The following TMEM108 variants were observed in gnomAD, a reference collection of about 807,000 sequenced individuals.
TMEM108 encodes the protein cancer/testis antigen 124.
A neutral mutation model predicts 35.1 loss-of-function variants in TMEM108; 12 were observed. That is an observed-to-expected ratio of 0.34 (90% CI 0.22 to 0.55). The LOEUF is 0.55. Ranked by LOEUF, TMEM108 falls within the 20% of genes least tolerant of loss-of-function variation. TMEM108 has a pLI of 0.89. For synonymous variants in TMEM108, 287 were observed against 308.6 expected, an observed-to-expected ratio of 0.93 and a Z score of 0.73; for missense variants, 680 against 753.3, an observed-to-expected ratio of 0.90 and a Z score of 1.14.
rs116094899 is a variant in TMEM108, at chr3:133,142,564, T to A, written c.-46-86702T>A. On this transcript the variant is annotated intron_variant, in intron 2 of 5. Coordinates refer to ENST00000321871, the MANE Select transcript of TMEM108 (RefSeq NM_023943.4). ...GCTATCCTGGAGCACGGTTTCACAC[T>A]CCACACTCCACATGTCCCTGCTCCC... Among the ~76,000 whole-genome samples the A allele has an allele frequency of 2.9e-3, 449 of 152,234 alleles. 2 individuals carry two copies. Among genetic ancestry groups the A allele is most frequent in the African/African-American group, 0.01 (423 of 41,538 alleles).
At chr3:133,297,073 G>C (rs761710302) in intron 3 of TMEM108, among the ~76,000 whole-genome samples, 1 of 152,180 alleles carries the variant, frequency 6.6e-6, no homozygotes, top group Admixed American at 6.5e-5. Flanking sequence ...ACAATATCAG[G>C]CTAACAGTAG....
At chr3:133,354,691 C>G (rs947882721) in intron 3 of TMEM108, among the ~76,000 whole-genome samples, 2 of 152,084 alleles carry the variant, frequency 1.3e-5, no homozygotes, top group African/African-American at 4.8e-5. Flanking sequence ...CCCCCTCCCC[C>G]ATTAAACAGA....
intron 2 of TMEM108, among the ~76,000 whole-genome samples, chr3:133,047,428 C>T (rs1322231798): frequency 4.6e-5 from 7 of 152,164 alleles, no homozygotes; most frequent in African/African-American, 1.7e-4. Context: ...TGGAGGGAGC[C>T]ATTCTTTAAT....
At position 133,040,365 on chromosome 3, in the gene TMEM108, G is replaced by A. The variant is rs543552872; in HGVS notation, c.-166+1930G>A. 6.9e-4 allele frequency among the ~76,000 whole-genome samples: 105 copies of A among 151,866 alleles called. 2 individuals are homozygous for A. In the Middle Eastern group the frequency reaches 0.031, roughly 44 times the overall value. ...ATTACAGGTGTGAGGCACCATGCCC[G>A]GCTAATTTTTGTATTTTTTAGTAAA... On this transcript the variant is annotated intron_variant, in intron 1 of 5. Coordinates refer to ENST00000321871, the MANE Select transcript of TMEM108 (RefSeq NM_023943.4).
chr3:133,203,902 T>G (rs1945710423), intron 2 of TMEM108, among the ~76,000 whole-genome samples: 1 of 152,204 alleles, frequency 6.6e-6, no homozygotes, highest in Admixed American at 6.5e-5. Context: ...CTGGTAAAAT[T>G]CAGCTGTGAC....
At chr3:133,341,132 A>G (rs1219362808) in intron 3 of TMEM108, among the ~76,000 whole-genome samples, 4 of 151,868 alleles carry the variant, frequency 2.6e-5, no homozygotes, top group Admixed American at 2.6e-4. Flanking sequence ...TTGTTTGCAG[A>G]TGATATCCTA....
chr3:133,053,211 C>T (rs1943427774), intron 2 of TMEM108, among the ~76,000 whole-genome samples: 1 of 151,978 alleles, frequency 6.6e-6, no homozygotes, highest in Non-Finnish European at 1.5e-5. Context: ...ACTGAGGCTC[C>T]CACAAGATGC....
intron 1 of TMEM108, among the ~76,000 whole-genome samples, chr3:133,042,275 C>T (rs1943284989): frequency 2.0e-5 from 3 of 152,180 alleles, no homozygotes; most frequent in Admixed American, 1.3e-4. Flanking sequence ...GTGTAGTTCC[C>T]ATCCTATGGC....
intron 3 of TMEM108, among the ~76,000 whole-genome samples, chr3:133,352,737 CT>C (rs2072041617): frequency 6.6e-6 from 1 of 152,208 alleles, no homozygotes; most frequent in African/African-American, 2.4e-5. Flanking sequence ...CTTCCATGCC[CT>C]TTCTGGGCAT....
At chr3:133,131,479 G>T (rs1022431826) in intron 2 of TMEM108, among the ~76,000 whole-genome samples, 1 of 147,562 alleles carries the variant, frequency 6.8e-6, no homozygotes, top group Non-Finnish European at 1.5e-5. Flanking sequence ...ATTATATCTC[G>T]TATGGTGATC....
chr3:133,209,144 A>T (rs1364331086), intron 2 of TMEM108, among the ~76,000 whole-genome samples: 1 of 151,922 alleles, frequency 6.6e-6, no homozygotes, highest in Non-Finnish European at 1.5e-5. Flanking sequence ...AGCTCAAGGG[A>T]TCCTGCTGCC....
At chr3:133,091,042 A>G (rs1437790540) in intron 2 of TMEM108, among the ~76,000 whole-genome samples, 3 of 152,190 alleles carry the variant, frequency 2.0e-5, no homozygotes, top group Non-Finnish European at 4.4e-5. Context: ...TTTTTAATAA[A>G]CATTGCCAGA....
chr3:133,293,760 G>A (rs976590339), intron 3 of TMEM108, among the ~76,000 whole-genome samples: 13 of 152,096 alleles, frequency 8.5e-5, no homozygotes, highest in Non-Finnish European at 1.2e-4. Flanking sequence ...CATCTTGTGT[G>A]TGAGGGTTTT....
chr3:133,046,849 AG>A (rs1943345743), intron 2 of TMEM108, among the ~76,000 whole-genome samples: 1 of 61,808 alleles, frequency 1.6e-5, no homozygotes, highest in African/African-American at 4.2e-5. Context: ...AATGAGGGAT[AG>A]GAGGTTAAAG....
At chr3:133,174,543 C>T (rs1411623624) in intron 2 of TMEM108, among the ~76,000 whole-genome samples, 11 of 152,174 alleles carry the variant, frequency 7.2e-5, no homozygotes, top group South Asian at 2.1e-4. Context: ...GTGCAGCCTC[C>T]GCTGCTGATA....
chr3:133,103,955 T>A (rs754474328), intron 2 of TMEM108, among the ~76,000 whole-genome samples: 6 of 152,246 alleles, frequency 3.9e-5, no homozygotes, highest in Non-Finnish European at 7.3e-5. Context: ...TTGCTGTTGC[T>A]ATTGTGAAAC....
intron 3 of TMEM108, among the ~76,000 whole-genome samples, chr3:133,372,627 C>G (rs1431399242): frequency 6.6e-6 from 1 of 152,174 alleles, no homozygotes; most frequent in African/African-American, 2.4e-5. Flanking sequence ...AGATTGTACT[C>G]TGGGAAGCAG....
intron 2 of TMEM108, among the ~76,000 whole-genome samples, chr3:133,161,279 T>C (rs1179596333): frequency 1.3e-5 from 2 of 152,208 alleles, no homozygotes; most frequent in African/African-American, 2.4e-5. Flanking sequence ...ATGGCTGGCC[T>C]CTTCATACCA....
chr3:133,079,277 A>G (rs1170955900), intron 2 of TMEM108, among the ~76,000 whole-genome samples: 1 of 152,210 alleles, frequency 6.6e-6, no homozygotes, highest in Non-Finnish European at 1.5e-5. Context: ...CTTTCAAAAA[A>G]CAGAGTTACA....
Sources: allele counts gnomAD v4.1 joint callset (sites outside exome capture counted in the v4.1 genomes callset), GRCh38; gene constraint gnomAD v4.1.1; transcripts MANE v1.5; gene names NCBI Gene and HGNC (gene_info 2026-07-23, HGNC 2026-07-21).